STT3B: variants seen among roughly 807,000 people sequenced by gnomAD.
The protein encoded by STT3B is STT3 oligosaccharyltransferase complex catalytic subunit B.
In STT3B, 29 loss-of-function variants were observed where a neutral mutation model predicts 96.8. The observed-to-expected ratio is 0.30, with a 90% CI of 0.22 to 0.41. The LOEUF (loss-of-function observed/expected upper bound fraction) is 0.41, where lower values mean the gene tolerates loss of function less well. Among genes scored for constraint, STT3B ranks in the 10% least tolerant of loss-of-function variants. STT3B has a pLI of 1.00. For missense variants in STT3B, 640 were observed against 1,022.3 expected (o/e 0.63, Z 5.10); for synonymous variants, 367 against 360.0 (o/e 1.02, Z -0.22).
chr3:31,600,802 C>G (rs1284712248), intron 5 of STT3B, among the ~76,000 whole-genome samples: 2 of 152,026 alleles, frequency 1.3e-5, no homozygotes, highest in African/African-American at 4.8e-5. Context: ...GATTGACATC[C>G]TCAAAGTAAG....
intron 1 of STT3B, 65 bp downstream of exon 1, chr3:31,533,377 C>G: frequency 7.2e-7 from 1 of 1,394,592 alleles, no homozygotes; most frequent in Non-Finnish European, 9.4e-7. Flanking sequence ...CTCCTCCGCC[C>G]GCCGCAGCTC....
chr3:31,593,471 C>G (rs1395579339), intron 3 of STT3B, among the ~76,000 whole-genome samples: 1 of 151,942 alleles, frequency 6.6e-6, no homozygotes, highest in Non-Finnish European at 1.5e-5. Flanking sequence ...TTTCATGGAT[C>G]TGTAGATTAG....
At chr3:31,603,793 G>A (rs887285431) in intron 5 of STT3B, among the ~76,000 whole-genome samples, 1 of 152,140 alleles carries the variant, frequency 6.6e-6, no homozygotes, top group Non-Finnish European at 1.5e-5. Context: ...TTTAATTGCA[G>A]TGTTGCCATA....
intron 1 of STT3B, among the ~76,000 whole-genome samples, chr3:31,575,318 A>G (rs1439216533): frequency 6.6e-6 from 1 of 152,036 alleles, no homozygotes; most frequent in Non-Finnish European, 1.5e-5. Context: ...TTTAATATTA[A>G]TAACTCTTTC....
At chr3:31,632,876 T>TTATAAC in intron 14 of STT3B, 59 bp from the exon 15 acceptor site, 1 of 1,450,240 alleles carries the variant, frequency 6.9e-7, no homozygotes, top group Non-Finnish European at 9.6e-7. Flanking sequence ...ACTTACTGTC[T>TTATAAC]TATAACACTG....
chr3:31,635,895 A>G, intron 15 of STT3B, 89 bp from the exon 16 acceptor site: 6 of 876,766 alleles, frequency 6.8e-6, no homozygotes, highest in Non-Finnish European at 1.0e-5. Context: ...TTACTAAGTC[A>G]TCATAGTTCA....
At chr3:31,547,080 A>G (rs1381471451) in intron 1 of STT3B, among the ~76,000 whole-genome samples, 5 of 152,150 alleles carry the variant, frequency 3.3e-5, no homozygotes, top group African/African-American at 1.2e-4. Flanking sequence ...ATAAATTTTT[A>G]TGTAACTGTG....
intron 5 of STT3B, among the ~76,000 whole-genome samples, chr3:31,606,862 C>T (rs1699065432): frequency 6.6e-6 from 1 of 152,180 alleles, no homozygotes. Flanking sequence ...AATGCTAGCC[C>T]ATGAAAGCAA....
intron 2 of STT3B, among the ~76,000 whole-genome samples, chr3:31,577,157 G>T (rs1049616868): frequency 6.6e-6 from 1 of 151,994 alleles, no homozygotes; most frequent in African/African-American, 2.4e-5. Context: ...AGAAACTTCT[G>T]ACTCTGTTGA....
At position 31,600,092 on chromosome 3, in the gene STT3B, T is replaced by A. The variant is rs147776514; in HGVS notation, c.778-268T>A. Among the ~76,000 whole-genome samples, 37 of 152,282 alleles carry A rather than the reference T, an allele frequency of 2.4e-4. No individual in the cohort carries two copies. In the East Asian group the frequency reaches 5.6e-3, roughly 23 times the overall value. On this transcript the variant is annotated intron_variant, in intron 4 of 15. Transcript: ENST00000295770. Reference sequence around the variant, plus strand: ...ACTGACAATTCACAAATTATAATACTCTCAGCTTTTCTATTAAATCTAATT... The same window carrying A: ...ACTGACAATTCACAAATTATAATACACTCAGCTTTTCTATTAAATCTAATT...
intron 1 of STT3B, among the ~76,000 whole-genome samples, chr3:31,548,299 A>G (rs946103940): frequency 6.6e-6 from 1 of 152,144 alleles, no homozygotes; most frequent in African/African-American, 2.4e-5. Context: ...CAGGTTGAGC[A>G]TAGTAACACA....
At chr3:31,559,740 T>G (rs1002208831) in intron 1 of STT3B, among the ~76,000 whole-genome samples, 13 of 152,136 alleles carry the variant, frequency 8.5e-5, no homozygotes, top group African/African-American at 2.9e-4. Context: ...CAGTGTTTCT[T>G]TGGTAACTTT....
chr3:31,558,518 C>A (rs1007615003), intron 1 of STT3B, among the ~76,000 whole-genome samples: 1 of 152,154 alleles, frequency 6.6e-6, no homozygotes, highest in African/African-American at 2.4e-5. Context: ...GTCGAATCAT[C>A]CTTGCTTCCC....
intron 1 of STT3B, among the ~76,000 whole-genome samples, chr3:31,545,170 T>C (rs1697375551): frequency 6.6e-6 from 1 of 152,222 alleles, no homozygotes. Context: ...TCATAAGTCA[T>C]GAGTTTGAGG....
chr3:31,599,897 G>A (rs984140585), intron 4 of STT3B, among the ~76,000 whole-genome samples: 1 of 152,118 alleles, frequency 6.6e-6, no homozygotes, highest in Non-Finnish European at 1.5e-5. Flanking sequence ...GCGTATTCAT[G>A]TCATCTGAAT....
chr3:31,550,432 A>G (rs1220559807), intron 1 of STT3B, among the ~76,000 whole-genome samples: 1 of 152,214 alleles, frequency 6.6e-6, no homozygotes, highest in East Asian at 1.9e-4. Flanking sequence ...ATGACCACCC[A>G]TCAGTTGCAA....
chr3:31,573,718 T>C (rs1483660180), intron 1 of STT3B, among the ~76,000 whole-genome samples: 1 of 152,160 alleles, frequency 6.6e-6, no homozygotes, highest in African/African-American at 2.4e-5. Context: ...ACATGGGTAG[T>C]CACATAACAC....
rs1698264595 is a variant in STT3B at position 31,576,426 on chromosome 3, A to G, written c.345A>G (p.Ala115=). ...ACTATAGATCAACACATCATCTTGC[A>G]TCTCATGGGTTCTATGAATTTTTAA... ...WFNYRSTHHL[A]SHGFYEFLNW... is the part of the protein sequence containing the mutation. The change falls in exon 2 of 16, where the codon GCA becomes GCG. Residue 115 remains alanine (A), a synonymous_variant. Coordinates refer to ENST00000295770, the MANE Select transcript of STT3B (RefSeq NM_178862.3). 6.2e-7 allele frequency: 1 copy of G among 1,603,678 alleles called. No individual in the cohort carries two copies. Among genetic ancestry groups the G allele is most frequent in the African/African-American group, 1.3e-5 (1 of 74,432 alleles).
intron 3 of STT3B, among the ~76,000 whole-genome samples, chr3:31,592,745 G>T (rs1575430282): frequency 6.6e-6 from 1 of 152,116 alleles, no homozygotes. Context: ...CTTCTCCAGG[G>T]TATTCACGGT....
Sources: allele counts gnomAD v4.1 joint callset (sites outside exome capture counted in the v4.1 genomes callset), GRCh38; gene constraint gnomAD v4.1.1; transcripts MANE v1.5; gene names NCBI Gene and HGNC (gene_info 2026-07-23, HGNC 2026-07-21).